CEMIP: variants seen among roughly 807,000 people sequenced by gnomAD.
The protein encoded by CEMIP is cell migration inducing hyaluronidase 1.
A neutral mutation model predicts 156.9 loss-of-function variants in CEMIP; 105 were observed. The ratio of observed to expected loss-of-function variants is 0.67; its 90% CI spans 0.57 to 0.79. The LOEUF (loss-of-function observed/expected upper bound fraction) is 0.79. CEMIP is among the 30% of genes least tolerant of loss of function. The pLI is 0.00. For synonymous variants in CEMIP, 676 were observed against 668.4 expected, an observed-to-expected ratio of 1.01 and a Z score of -0.17; for missense variants, 1,457 against 1,769.4, an observed-to-expected ratio of 0.82 and a Z score of 3.17.
intron 14 of CEMIP, chr15:80,909,612 A>T (rs1480572122): frequency 2.0e-6 from 1 of 487,804 alleles, no homozygotes; most frequent in Non-Finnish European, 4.0e-6. Context: ...TTCCACGGCC[A>T]CACAGCATGA....
chr15:80,896,121 T>C, intron 12 of CEMIP, 61 bp downstream of exon 12: 1 of 1,509,654 alleles, frequency 6.6e-7, no homozygotes, highest in Non-Finnish European at 9.2e-7. Flanking sequence ...AGGCTTAAAG[T>C]AAACTGAAGT....
chr15:80,883,470 C>A (rs1295543619), intron 6 of CEMIP, among the ~76,000 whole-genome samples: 1 of 148,288 alleles, frequency 6.7e-6, no homozygotes, highest in African/African-American at 2.5e-5. Flanking sequence ...GTTCTTACCA[C>A]AATAAAGTAA....
At chr15:80,783,245 A>G (rs1895842894) in intron 1 of CEMIP, among the ~76,000 whole-genome samples, 1 of 152,250 alleles carries the variant, frequency 6.6e-6, no homozygotes, top group South Asian at 2.1e-4. Context: ...TTATAGCTCA[A>G]AAGAGAAATG....
chr15:80,822,262 T>C (rs1896928120), intron 1 of CEMIP, among the ~76,000 whole-genome samples: 1 of 152,204 alleles, frequency 6.6e-6, no homozygotes, highest in Non-Finnish European at 1.5e-5. Flanking sequence ...AGAGCATGGC[T>C]GTTGACTGAA....
At chr15:80,834,592 C>T (rs1156907227) in intron 1 of CEMIP, among the ~76,000 whole-genome samples, 1 of 152,188 alleles carries the variant, frequency 6.6e-6, no homozygotes, top group East Asian at 1.9e-4. Flanking sequence ...GTCTATAATC[C>T]GTGTGGCTGT....
intron 1 of CEMIP, among the ~76,000 whole-genome samples, chr15:80,816,160 T>C (rs1000487347): frequency 1.3e-5 from 2 of 152,214 alleles, no homozygotes; most frequent in Admixed American, 6.5e-5. Context: ...AGTGGGTATA[T>C]GGTAACCCTG....
chr15:80,786,008 T>C (rs961845478), intron 1 of CEMIP, among the ~76,000 whole-genome samples: 11 of 152,148 alleles, frequency 7.2e-5, no homozygotes, highest in Non-Finnish European at 1.6e-4. Context: ...ACAAAATGCT[T>C]TTTTTGCGAT....
chr15:80,923,930 T>TA (rs1417082649), intron 17 of CEMIP, among the ~76,000 whole-genome samples: 1 of 152,200 alleles, frequency 6.6e-6, no homozygotes, highest in Non-Finnish European at 1.5e-5. Flanking sequence ...TGCTGAATTA[T>TA]AAGCCAGAGG....
intron 1 of CEMIP, among the ~76,000 whole-genome samples, chr15:80,792,353 T>C (rs1395816031): frequency 6.6e-6 from 1 of 152,188 alleles, no homozygotes; most frequent in Non-Finnish European, 1.5e-5. Flanking sequence ...CTTCCTTGGG[T>C]TGTAGAATAT....
Position 80,929,150 on chromosome 15 carries a change from G to T in CEMIP, c.2588G>T (p.Ser863Ile). 3 of 1,614,210 alleles carry T rather than the reference G, an allele frequency of 1.9e-6. No individual in the cohort carries two copies. The highest frequency in any genetic ancestry group is 2.5e-6 in the Non-Finnish European group (3 of 1,180,038). The change falls in exon 21 of 30, where the codon AGC becomes ATC. Residue 863 changes from serine (S) to isoleucine (I), a missense_variant. Ser to Ile is a moderately radical substitution (Grantham distance 142). Transcript: ENST00000394685. ...RIWGPGGLDHSGRTLPIGQNF... is the reference protein window; with the variant it reads ...RIWGPGGLDHIGRTLPIGQNF... ...TGGGGCCCTGGCGGCTTGGACCATA[G>T]CGGAAGGACCCTCCCTATAGGCCAG...
At chr15:80,893,806 T>C (rs992745314) in intron 10 of CEMIP, among the ~76,000 whole-genome samples, 3 of 151,854 alleles carry the variant, frequency 2.0e-5, no homozygotes, top group Non-Finnish European at 4.4e-5. Flanking sequence ...CTGCTGGGTT[T>C]AAAACAATGT....
rs543476803 is a variant in CEMIP at position 80,843,041 on chromosome 15, C to G, written c.-175-30497C>G. On this transcript the variant is annotated intron_variant, in intron 1 of 29. Transcript: ENST00000394685. ...GTGAGAGGTGATGAGCTGGACCATACAAGGTGACCTTTAAAATGCTGGTGG... is the reference window on the plus strand; with the variant it reads ...GTGAGAGGTGATGAGCTGGACCATAGAAGGTGACCTTTAAAATGCTGGTGG... Among the ~76,000 whole-genome samples, 81 of 152,312 alleles carry G rather than the reference C, an allele frequency of 5.3e-4. 1 individual carries two copies. In the South Asian group the frequency reaches 8.3e-3, roughly 16 times the overall value.
At chr15:80,838,177 C>T (rs114906485) in intron 1 of CEMIP, among the ~76,000 whole-genome samples, 1 of 152,160 alleles carries the variant, frequency 6.6e-6, no homozygotes, top group Non-Finnish European at 1.5e-5. Context: ...CATCCACATG[C>T]GTTCCACTCG....
At chr15:80,902,041 A>G (rs528581268) in intron 12 of CEMIP, among the ~76,000 whole-genome samples, 2 of 152,268 alleles carry the variant, frequency 1.3e-5, no homozygotes, top group Non-Finnish European at 2.9e-5. Flanking sequence ...GTCAGGCCCC[A>G]TCTCCCTCTC....
intron 1 of CEMIP, among the ~76,000 whole-genome samples, chr15:80,832,380 C>G (rs896916175): frequency 3.4e-5 from 3 of 88,116 alleles, no homozygotes; most frequent in African/African-American, 1.2e-4. Flanking sequence ...CAGACAGACT[C>G]TAGGGCATTG....
At chr15:80,783,446 G>A (rs940962767) in intron 1 of CEMIP, among the ~76,000 whole-genome samples, 1 of 152,162 alleles carries the variant, frequency 6.6e-6, no homozygotes, top group African/African-American at 2.4e-5. Flanking sequence ...TTATCTGGAG[G>A]CAGTTTCAGT....
chr15:80,812,616 C>T (rs1179150545), intron 1 of CEMIP, among the ~76,000 whole-genome samples: 1 of 152,080 alleles, frequency 6.6e-6, no homozygotes, highest in South Asian at 2.1e-4. Context: ...TGCAGTGATT[C>T]CCAGGGACAT....
intron 1 of CEMIP, among the ~76,000 whole-genome samples, chr15:80,846,523 G>A (rs1596130432): frequency 1.3e-5 from 2 of 152,340 alleles, no homozygotes; most frequent in Admixed American, 6.5e-5. Flanking sequence ...GGGAACTGAT[G>A]TTCAAACAGG....
At chr15:80,924,564 C>A in intron 17 of CEMIP, 57 bp from the exon 18 acceptor site, 1 of 1,460,946 alleles carries the variant, frequency 6.8e-7, no homozygotes, top group Non-Finnish European at 9.6e-7. Flanking sequence ...GACTGTGAGA[C>A]GATGCCTGTA....
Sources: gnomAD v4.1 joint callset for allele counts (sites outside exome capture counted in the v4.1 genomes callset) on GRCh38, gnomAD v4.1.1 for gene constraint, MANE v1.5 for transcripts, NCBI Gene and HGNC (gene_info 2026-07-23, HGNC 2026-07-21) for gene names.